The following SQSTM1 variants were observed in gnomAD, a reference collection of about 807,000 sequenced individuals.
The protein encoded by SQSTM1 is sequestosome 1.
SQSTM1 carries 36 observed loss-of-function variants against 45.1 expected under a neutral mutation model. That is an observed-to-expected ratio of 0.80 (90% confidence interval 0.61 to 1.05). SQSTM1 has a LOEUF of 1.05. SQSTM1 is among the 50% of genes least tolerant of loss of function. The probability of loss-of-function intolerance (pLI) is 0.00; values close to 1 mark genes in which losing one functional copy is unlikely to be tolerated. For synonymous variants in SQSTM1, 290 were observed against 244.3 expected (o/e 1.19, Z -1.74); for missense variants, 617 against 607.1 (o/e 1.02, Z -0.17).
At chr5:179,811,013 C>T (rs1254164935) in intron 1 of SQSTM1, among the ~76,000 whole-genome samples, 2 of 152,088 alleles carry the variant, frequency 1.3e-5, no homozygotes, top group African/African-American at 4.8e-5. Flanking sequence ...GAGGCCGAGA[C>T]GGGCGGATCA....
upstream of SQSTM1, chr5:179,820,804 A>T: frequency 1.2e-6 from 1 of 862,186 alleles, no homozygotes. Flanking sequence ...CGCCGCGACG[A>T]CGGTGGCGGG....
upstream of SQSTM1, among the ~76,000 whole-genome samples, chr5:179,818,676 A>AC (rs1212512724): frequency 3.3e-5 from 5 of 150,994 alleles, no homozygotes; most frequent in East Asian, 3.9e-4. Flanking sequence ...TCCTGCCCTG[A>AC]CCCCCCAGCT....
intron 7 of SQSTM1, among the ~76,000 whole-genome samples, chr5:179,834,482 A>G (rs999743480): frequency 3.0e-4 from 45 of 151,948 alleles, no homozygotes; most frequent in South Asian, 1.0e-3. Flanking sequence ...GCAGGGTCAT[A>G]GGACAATAGT....
chr5:179,824,427 ACCC>A, intron 4 of SQSTM1, 104 bp downstream of exon 4: 1 of 1,522,092 alleles, frequency 6.6e-7, no homozygotes, highest in South Asian at 1.1e-5. Context: ...AATTCAGGAT[ACCC>A]CCCACCTTCC....
At chr5:179,826,368 C>T (rs956438157) in intron 5 of SQSTM1, among the ~76,000 whole-genome samples, 6 of 151,632 alleles carry the variant, frequency 4.0e-5, no homozygotes, top group African/African-American at 9.7e-5. Flanking sequence ...GGTTTCGCCA[C>T]GTTGGCCAGG....
intron 1 of SQSTM1, among the ~76,000 whole-genome samples, chr5:179,810,097 TAATTTA>T (rs1181288168): frequency 3.9e-5 from 6 of 152,312 alleles, no homozygotes; most frequent in Non-Finnish European, 7.3e-5. Flanking sequence ...AATTTTTTTT[TAATTTA>T]AATTTAAATT....
At chr5:179,829,986 T>TA (rs1280570380) in intron 5 of SQSTM1, among the ~76,000 whole-genome samples, 2 of 152,114 alleles carry the variant, frequency 1.3e-5, no homozygotes, top group Non-Finnish European at 2.9e-5. Context: ...GTTGTGTACT[T>TA]ATGGCCCCAG....
intron 1 of SQSTM1, among the ~76,000 whole-genome samples, chr5:179,809,136 C>T (rs1344493409): frequency 2.9e-5 from 4 of 137,854 alleles, no homozygotes; most frequent in Non-Finnish European, 4.6e-5. Flanking sequence ...GGATTACAGG[C>T]GTGAGTCACC....
At position 179,821,147 on chromosome 5, in the gene SQSTM1, C is replaced by T. The variant is rs1286712928; in HGVS notation, c.205+6C>T. 3.0e-6 allele frequency: 4 copies of T among 1,339,260 alleles called. No individual in the cohort carries two copies. Among genetic ancestry groups the T allele is most frequent in the Middle Eastern group, 2.7e-4 (1 of 3,682 alleles). The allele number at this position is 1,339,260 out of a possible 1,614,324, so 83.0% of individuals were successfully genotyped here. ...CTTCCAGGCGCACTACCGCGGTGAG[C>T]GGGCCGGGGAGCGGCGGGGGCGGTG... is the stretch of plus-strand genomic sequence containing the variant. On this transcript the variant is annotated splice_donor_region_variant and intron_variant, in intron 1 of 7. Transcript: ENST00000389805.
In SQSTM1 at chr5:179,836,655, T is replaced by A; in HGVS notation, c.*62T>A. The stretch of plus-strand genomic sequence containing the variant: ...GTCTCATAGTTGTGTTAAGCTTGCG[T>A]AGAATTGCAGGTCTCTGTACGGGCC... On this transcript the variant is annotated 3_prime_UTR_variant, in exon 8 of 8. Transcript: ENST00000389805. 3 of 1,611,284 alleles carry A rather than the reference T, an allele frequency of 1.9e-6. No individual in the cohort carries two copies. Among genetic ancestry groups the A allele is most frequent in the Non-Finnish European group, 2.5e-6 (3 of 1,177,462 alleles).
rs746755240 is a variant in SQSTM1 at position 179,833,770 on chromosome 5, C to T, written c.1153C>T (p.His385Tyr). 2 of 1,614,122 alleles carry T rather than the reference C, an allele frequency of 1.2e-6. No homozygotes were observed. Among genetic ancestry groups the T allele is most frequent in the African/African-American group, 1.3e-5 (1 of 75,040 alleles). The change falls in exon 7 of 8, where the codon CAT becomes TAT. Residue 385 changes from histidine (H) to tyrosine (Y), a missense_variant. Physicochemically the swap from His to Tyr is moderately conservative, Grantham distance 83. Coordinates refer to ENST00000389805, the MANE Select transcript of SQSTM1 (RefSeq NM_003900.5). Reference protein sequence around the residue: ...TGLKEAALYPHLPPEADPRLI... With the variant: ...TGLKEAALYPYLPPEADPRLI... ...GCTGAAGGAAGCTGCCTTGTACCCA[C>T]ATCTCCCGCCAGGCAAGTGAACCAA...
rs1388014408 is a variant in SQSTM1 at position 179,837,079 on chromosome 5, A to C, written c.*486A>C. The C allele has an allele frequency of 1.3e-6, 1 of 788,052 alleles. No individual in the cohort carries two copies. The highest frequency in any genetic ancestry group is 2.1e-6 in the Non-Finnish European group (1 of 471,384). 48.8% of individuals were successfully genotyped at this position (788,052 alleles called of 1,614,324 possible). ...TTGTGGGCTTCCTGCTGGGACTGAGAAGGCTCACGAAGGGCATCCGCAATG... is the reference window on the plus strand; with the variant it reads ...TTGTGGGCTTCCTGCTGGGACTGAGCAGGCTCACGAAGGGCATCCGCAATG... On this transcript the variant is annotated 3_prime_UTR_variant, in exon 8 of 8. Transcript: ENST00000389805.
intron 5 of SQSTM1, among the ~76,000 whole-genome samples, chr5:179,830,702 C>T (rs1392780433): frequency 6.6e-6 from 1 of 152,032 alleles, no homozygotes; most frequent in African/African-American, 2.4e-5. Flanking sequence ...GGATTACAGG[C>T]ACCCGCCACC....
Position 179,837,221 on chromosome 5 carries a change from C to T in SQSTM1, c.*628C>T, listed in dbSNP as rs1273021873. The T allele has an allele frequency of 6.3e-7, 1 of 1,587,128 alleles. No individual in the cohort carries two copies. Among genetic ancestry groups the T allele is most frequent in the Admixed American group, 1.8e-5 (1 of 56,852 alleles). On this transcript the variant is annotated 3_prime_UTR_variant, in exon 8 of 8. Coordinates refer to ENST00000389805, the MANE Select transcript of SQSTM1 (RefSeq NM_003900.5). ...GTAGCCATCCTGTTAAATTTGTAAA[C>T]AATCTAATTAAATGGCATCAGCACT...
chr5:179,811,164 C>T (rs914016921), intron 1 of SQSTM1, among the ~76,000 whole-genome samples: 1 of 151,588 alleles, frequency 6.6e-6, no homozygotes, highest in Non-Finnish European at 1.5e-5. Flanking sequence ...ACCTGTGAGG[C>T]GGAGCTTTCA....
chr5:179,825,176 A>AT lies in SQSTM1; in HGVS notation c.707dup (p.Leu237ProfsTer13). 1 of 1,614,122 alleles carries AT rather than the reference A, an allele frequency of 6.2e-7. No individual in the cohort carries two copies. The highest frequency in any genetic ancestry group is 8.5e-7 in the Non-Finnish European group (1 of 1,180,034). The stretch of plus-strand genomic sequence containing the variant: ...GGTCCATCGGAGGATCCGAGTGTGA[A>AT]TTTCCTGAAGAACGTTGGGGAGAGT... On this transcript the variant is annotated frameshift_variant, in exon 5 of 8. Coordinates refer to ENST00000389805, the MANE Select transcript of SQSTM1 (RefSeq NM_003900.5). LOFTEE classifies it high-confidence loss of function.
upstream of SQSTM1, chr5:179,819,038 G>A (rs988814531): frequency 6.6e-6 from 1 of 152,616 alleles, no homozygotes; most frequent in Admixed American, 6.5e-5. Flanking sequence ...CAGCCTCCAG[G>A]TAAGAGGTCA....
chr5:179,836,562 T>A lies in SQSTM1; in HGVS notation c.1292T>A (p.Ile431Asn). 6.2e-7 allele frequency: 1 copy of A among 1,614,056 alleles called. No individual in the cohort carries two copies. Among genetic ancestry groups the A allele is most frequent in the Non-Finnish European group, 8.5e-7 (1 of 1,180,006 alleles). Residue 431 changes from isoleucine to asparagine, a missense_variant, in exon 8 of 8, where the codon ATC becomes AAC. Ile to Asn is a moderately radical substitution (Grantham distance 149). Transcript: ENST00000389805. ...NYDIGAALDT[I>N]QYSKHPPPL Reference sequence around the variant, plus strand: ...GACATCGGAGCGGCTCTGGACACCATCCAGTATTCAAAGCATCCCCCGCCG... The same window carrying A: ...GACATCGGAGCGGCTCTGGACACCAACCAGTATTCAAAGCATCCCCCGCCG...
chr5:179,823,432 C>G (rs1757858867), intron 2 of SQSTM1: 2 of 148,280 alleles, frequency 1.3e-5, no homozygotes, highest in Non-Finnish European at 2.5e-5. Flanking sequence ...TGACTGTACT[C>G]CAGCCTAGGC....
Sources: allele counts gnomAD v4.1 joint callset (sites outside exome capture counted in the v4.1 genomes callset), GRCh38; gene constraint gnomAD v4.1.1; transcripts MANE v1.5; gene names NCBI Gene and HGNC (gene_info 2026-07-23, HGNC 2026-07-21).